Variants in TNS2 observed in about 807,000 individuals in gnomAD.
TNS2 encodes the protein tensin 2, also known as tensin-2.
A neutral mutation model predicts 155.7 loss-of-function variants in TNS2; 77 were observed. That is an observed-to-expected ratio of 0.49 (90% CI 0.41 to 0.60). The LOEUF is 0.60. TNS2 is among the 20% of genes least tolerant of loss of function. The probability of loss-of-function intolerance (pLI) is 0.00; values close to 1 mark genes in which losing one functional copy is unlikely to be tolerated. For synonymous variants in TNS2, 726 were observed against 763.9 expected (o/e 0.95, Z 0.82); for missense variants, 1,703 against 1,868.8 (o/e 0.91, Z 1.64).
rs751018941 is a variant in TNS2, at chr12:53,055,272, A to T, written c.573+36A>T. On this transcript the variant is annotated intron_variant, in intron 8 of 28. Transcript: ENST00000314250. ...AATGGCCTGCCCAACCATTAAACCA[A>T]GCCACCCCAACCCCAGAAGCCCCCA... is the stretch of plus-strand genomic sequence containing the variant. The T allele has an allele frequency of 1.9e-6, 3 of 1,608,724 alleles. No individual in the cohort carries two copies. In the Admixed American group the frequency reaches 5.1e-5, roughly 27 times the overall value.
chr12:53,059,245 C>T lies in TNS2; in HGVS notation c.1604C>T (p.Ala535Val). 1 of 1,526,150 alleles carries T rather than the reference C, an allele frequency of 6.6e-7. No homozygotes were observed. Among genetic ancestry groups the T allele is most frequent in the East Asian group, 2.3e-5 (1 of 43,820 alleles). The allele number at this position is 1,526,150 out of a possible 1,614,324, so 94.5% of individuals were successfully genotyped here. Reference sequence around the variant, plus strand: ...TCCCCTGGCCGGCCGCCCCCTACAGCTGCTGAACGGCAGGAGCTGGATCGC... The same window carrying T: ...TCCCCTGGCCGGCCGCCCCCTACAGTTGCTGAACGGCAGGAGCTGGATCGC... Reference protein sequence around the residue: ...AESPGRPPPTAAERQELDRLL... With the variant: ...AESPGRPPPTVAERQELDRLL... Residue 535 changes from alanine to valine, a missense_variant, in exon 18 of 29, where the codon GCT becomes GTT. Physicochemically the swap from Ala to Val is moderately conservative, Grantham distance 64. Transcript: ENST00000314250. The surrounding 1 kb of genome is among the most constrained non-coding windows in gnomAD (Gnocchi z 4.7).
rs533510529 is a variant in TNS2, at chr12:53,057,028, G to A, written c.777G>A (p.Leu259=). ...SKISAGADQA[L]ATLTMRKFCE... is the part of the protein sequence containing the mutation. ...CTATCCCCAGGGCGGACCAGGCACT[G>A]GCCACTCTTACCATGCGGAAATTCT... The change falls in exon 11 of 29, where the codon CTG becomes CTA. Residue 259 remains leucine (L), a synonymous_variant. Transcript: ENST00000314250. The A allele has an allele frequency of 1.2e-6, 2 of 1,613,602 alleles. No homozygotes were observed. Among genetic ancestry groups the A allele is most frequent in the East Asian group, 2.2e-5 (1 of 44,880 alleles).
chr12:53,058,167 A>G lies in TNS2; in HGVS notation c.1095+65A>G, dbSNP rs1944228363. 2.5e-6 allele frequency: 4 copies of G among 1,611,908 alleles called. No individual in the cohort carries two copies. In the South Asian group the frequency reaches 3.3e-5, roughly 13 times the overall value. ...GGGCAGGGGTTGGTGGTGTAACGGC[A>G]CAGTCACCAATTTGAGACAGATTGG... On this transcript the variant is annotated intron_variant, in intron 14 of 28. Coordinates refer to ENST00000314250, the MANE Select transcript of TNS2 (RefSeq NM_170754.4).
Position 53,059,649 on chromosome 12 carries a change from G to A in TNS2, c.2008G>A (p.Ala670Thr), listed in dbSNP as rs11558984. Residue 670 changes from alanine (A) to threonine (T), a missense_variant, in exon 18 of 29, where the codon GCC (alanine) becomes ACC (threonine). By Grantham distance (58) the Ala-to-Thr change is moderately conservative. Coordinates refer to ENST00000314250, the MANE Select transcript of TNS2 (RefSeq NM_170754.4). The surrounding 1 kb of genome is among the most constrained non-coding windows in gnomAD (Gnocchi z 4.7). ...KPATGDFGYR[A>T]PGYREVVILE... ...AGCCACTGGGGACTTTGGCTACCGC[G>A]CCCCAGGCTACCGGGAGGTGGTCAT... 0.043 allele frequency: 69,918 copies of A among 1,613,222 alleles called. 1,668 individuals are homozygous for A. Among genetic ancestry groups the A allele is most frequent in the Non-Finnish European group, 0.049 (57,424 of 1,179,854 alleles).
chr12:53,060,274 G>T lies in TNS2; in HGVS notation c.2617+16G>T. 6.5e-7 allele frequency: 1 copy of T among 1,538,692 alleles called. No homozygotes were observed. Among genetic ancestry groups the T allele is most frequent in the Admixed American group, 1.9e-5 (1 of 53,688 alleles). ...GCATCTGCAGGTGAGGGGCACCAGA[G>T]TGCGGAGTGCCCAGGGCAGAGGAGG... On this transcript the variant is annotated intron_variant, in intron 18 of 28. Transcript: ENST00000314250. The surrounding 1 kb of genome is among the most constrained non-coding windows in gnomAD (Gnocchi z 6.1).
In TNS2 at chr12:53,059,623, C is replaced by G. The variant is rs755681951; in HGVS notation, c.1982C>G (p.Pro661Arg). The G allele has an allele frequency of 1.7e-5, 27 of 1,612,782 alleles. 1 individual carries two copies. The highest frequency in any genetic ancestry group is 2.1e-5 in the Non-Finnish European group (25 of 1,179,640). ...LYPYPPEMGK[P>R]ATGDFGYRAP... is the part of the protein sequence containing the mutation. Reference sequence around the variant, plus strand: ...CCCTACCCACCTGAGATGGGGAAACCAGCCACTGGGGACTTTGGCTACCGC... The same window carrying G: ...CCCTACCCACCTGAGATGGGGAAACGAGCCACTGGGGACTTTGGCTACCGC... The change falls in exon 18 of 29, where the codon CCA becomes CGA. Residue 661 changes from proline to arginine, a missense_variant. Physicochemically the swap from Pro to Arg is moderately radical, Grantham distance 103. Coordinates refer to ENST00000314250, the MANE Select transcript of TNS2 (RefSeq NM_170754.4). The surrounding 1 kb of genome is among the most constrained non-coding windows in gnomAD (Gnocchi z 4.7).
At chr12:53,054,737 C>T (rs986105602) in intron 7 of TNS2, among the ~76,000 whole-genome samples, 2 of 151,790 alleles carry the variant, frequency 1.3e-5, no homozygotes, top group Non-Finnish European at 2.9e-5. Flanking sequence ...TGCAGTGGCA[C>T]GATCTCACCT....
At chr12:53,052,064 G>A in intron 2 of TNS2, 101 bp downstream of exon 2, 2 of 1,026,462 alleles carry the variant, frequency 1.9e-6, no homozygotes, top group South Asian at 1.5e-5. Context: ...GTAATATGCT[G>A]CTCCTGGATT....
rs1565604824 is a variant in TNS2, at chr12:53,055,555, G to C, written c.574-13G>C. The C allele has an allele frequency of 1.9e-6, 3 of 1,592,078 alleles. No homozygotes were observed. Among genetic ancestry groups the C allele is most frequent in the Non-Finnish European group, 2.6e-6 (3 of 1,165,546 alleles). Reference sequence around the variant, plus strand: ...GGCCCCCGGCCCCAGTTGCACCCCTGCATTCTCCCCAGGTTCAAGACTTCG... The same window carrying C: ...GGCCCCCGGCCCCAGTTGCACCCCTCCATTCTCCCCAGGTTCAAGACTTCG... On this transcript the variant is annotated splice_polypyrimidine_tract_variant and intron_variant, in intron 8 of 28. Coordinates refer to ENST00000314250, the MANE Select transcript of TNS2 (RefSeq NM_170754.4).
rs1236435083 is a variant in TNS2, at chr12:53,055,858, G to T, written c.761+13G>T. 6.2e-7 allele frequency: 1 copy of T among 1,605,260 alleles called. No homozygotes were observed. The highest frequency in any genetic ancestry group is 1.3e-5 in the African/African-American group (1 of 74,186). On this transcript the variant is annotated intron_variant, in intron 10 of 28. Coordinates refer to ENST00000314250, the MANE Select transcript of TNS2 (RefSeq NM_170754.4). ...AGATCTCTGCAGGGTGAGGCTCCCA[G>T]CGCCTGAGTAGCTGCTTCCCCAGTG...
chr12:53,057,199 A>G (rs1592249720), intron 11 of TNS2, 103 bp downstream of exon 11: 2 of 1,276,778 alleles, frequency 1.6e-6, no homozygotes, highest in East Asian at 2.5e-5. Context: ...GAGTGTGCCA[A>G]GCGCCGTGCC....
At chr12:53,053,263 GC>G in intron 3 of TNS2, 147 bp from the exon 4 acceptor site, 3 of 862,422 alleles carry the variant, frequency 3.5e-6, no homozygotes, top group Non-Finnish European at 5.7e-6. Flanking sequence ...GAGGGGAGGT[GC>G]CCTTAAATAG....
rs767263005 is a variant in TNS2 at position 53,059,730 on chromosome 12, C to A, written c.2089C>A (p.Leu697Met). ...LYPCPACEEK[L>M]ALPTAALYGL... ...CCCATGCCCAGCCTGCGAGGAGAAG[C>A]TGGCGCTGCCTACAGCAGCCTTGTA... Residue 697 changes from leucine (L) to methionine (M), a missense_variant, in exon 18 of 29, where the codon CTG becomes ATG. Leu to Met is a conservative substitution (Grantham distance 15). Transcript: ENST00000314250. The surrounding 1 kb of genome is among the most constrained non-coding windows in gnomAD (Gnocchi z 4.7). 15 of 1,612,914 alleles carry A rather than the reference C, an allele frequency of 9.3e-6. No homozygotes were observed. Among genetic ancestry groups the A allele is most frequent in the Non-Finnish European group, 1.3e-5 (15 of 1,179,888 alleles).
At position 53,060,565 on chromosome 12, in the gene TNS2, G is replaced by A; in HGVS notation, c.2768+10G>A. On this transcript the variant is annotated intron_variant, in intron 19 of 28. Transcript: ENST00000314250. This position sits in a 1 kb window ranked among gnomAD's most constrained non-coding sequence, Gnocchi z 6.1. ...TCCAGGGCAAGGAAAGGTATGCAGA[G>A]GGGCCGGGGATGCTCGAGTGCTTTC... 3 of 1,612,652 alleles carry A rather than the reference G, an allele frequency of 1.9e-6. No individual in the cohort carries two copies. Among genetic ancestry groups the A allele is most frequent in the Non-Finnish European group, 2.5e-6 (3 of 1,179,670 alleles).
Position 53,058,365 on chromosome 12 carries a change from TC to T in TNS2, c.1147del (p.Arg383GlufsTer89). The T allele has an allele frequency of 6.2e-7, 1 of 1,614,156 alleles. No individual in the cohort carries two copies. The highest frequency in any genetic ancestry group is 8.5e-7 in the Non-Finnish European group (1 of 1,180,014). On this transcript the variant is annotated frameshift_variant, in exon 15 of 29. Transcript: ENST00000314250. LOFTEE classifies it high-confidence loss of function. ...CGGGGCACAGACCGGACCCTCGTGTTCCGAGTCCAGTTCCACACCTGCACCA... is the reference window on the plus strand; with the variant it reads ...CGGGGCACAGACCGGACCCTCGTGTTCGAGTCCAGTTCCACACCTGCACCA... ...GGRGTDRTLV[F>X]RVQFHTCTIH... is the part of the protein sequence containing the mutation.
chr12:53,058,168 C>T lies in TNS2; in HGVS notation c.1095+66C>T, dbSNP rs2280446. The T allele has an allele frequency of 0.25, 408,348 of 1,610,516 alleles. 54,269 individuals carry two copies. The highest frequency in any genetic ancestry group is 0.42 in the East Asian group (18,866 of 44,788). The stretch of plus-strand genomic sequence containing the variant: ...GGCAGGGGTTGGTGGTGTAACGGCA[C>T]AGTCACCAATTTGAGACAGATTGGA... On this transcript the variant is annotated intron_variant, in intron 14 of 28. Transcript: ENST00000314250.
At chr12:53,055,014 C>T (rs1035992325) in intron 7 of TNS2, among the ~76,000 whole-genome samples, 172 bp from the exon 8 acceptor site, 1 of 151,998 alleles carries the variant, frequency 6.6e-6, no homozygotes, top group Non-Finnish European at 1.5e-5. Flanking sequence ...GAACTCCTGA[C>T]CTCAGGTGAC....
intron 10 of TNS2, 43 bp downstream of exon 10, chr12:53,055,888 T>C (rs1295657802): frequency 1.3e-6 from 2 of 1,577,936 alleles, no homozygotes; most frequent in South Asian, 2.3e-5. Flanking sequence ...CCAGTGGCCC[T>C]TTCTCCAGCT....
At chr12:53,048,932 A>G (rs1298634001), upstream of TNS2, 16 of 462,104 alleles carry the variant, frequency 3.5e-5, no homozygotes, top group South Asian at 5.4e-4. Context: ...TACCATGCAA[A>G]TGAGAGGGGC....
Sources: gnomAD v4.1 joint callset for allele counts (sites outside exome capture counted in the v4.1 genomes callset) on GRCh38, gnomAD v4.1.1 for gene constraint, Gnocchi (gnomAD v3.1) non-coding constraint, MANE v1.5 for transcripts, NCBI Gene and HGNC (gene_info 2026-07-23, HGNC 2026-07-21) for gene names.